Variants in DCTN3 observed in about 807,000 individuals in gnomAD.
The protein encoded by DCTN3 is dynactin 3 (p22).
DCTN3 carries 25 observed loss-of-function variants against 28.4 expected under a neutral mutation model. The ratio of observed to expected loss-of-function variants is 0.88; its 90% CI spans 0.64 to 1.23. DCTN3 has a LOEUF of 1.23. Ranked by LOEUF, DCTN3 falls within the 50% of genes most tolerant of loss-of-function variation. The probability of loss-of-function intolerance (pLI) is 0.00; values close to 1 mark genes in which losing one functional copy is unlikely to be tolerated. For missense variants in DCTN3, 229 were observed against 232.0 expected, an observed-to-expected ratio of 0.99 and a Z score of 0.08; for synonymous variants, 81 against 91.4, an observed-to-expected ratio of 0.89 and a Z score of 0.65.
chr9:34,613,688 A>T lies in DCTN3; in HGVS notation c.*94T>A. The T allele has an allele frequency of 6.5e-7, 1 of 1,536,412 alleles. No individual in the cohort carries two copies. The highest frequency in any genetic ancestry group is 1.9e-5 in the Admixed American group (1 of 52,496). ...AGAGAGGTGGGCCTTGAAGCCAATA[A>T]ATACAAAGCTTCCTCTGCCTTGTAA... On this transcript the variant is annotated 3_prime_UTR_variant, in exon 7 of 7. Transcript: ENST00000259632.
chr9:34,620,150 G>C (rs1488082539), intron 1 of DCTN3, among the ~76,000 whole-genome samples: 4 of 152,206 alleles, frequency 2.6e-5, no homozygotes, highest in Admixed American at 1.3e-4. Context: ...CTCAGCTACA[G>C]TAGGTACGGA....
At chr9:34,618,814 G>C (rs1820485417) in intron 1 of DCTN3, 54 bp from the exon 2 acceptor site, 2 of 1,446,572 alleles carry the variant, frequency 1.4e-6, no homozygotes, top group Admixed American at 3.4e-5. Context: ...TCAAGGCTTG[G>C]AAAAGTTAAA....
rs571306998 is a variant in DCTN3 at position 34,619,813 on chromosome 9, C to G, written c.96+556G>C. On this transcript the variant is annotated intron_variant, in intron 1 of 6. Coordinates refer to ENST00000259632, the MANE Select transcript of DCTN3 (RefSeq NM_007234.5). ...ATAGTAGAAAGGGGAGGAGAGGGCA[C>G]CTGAGCTTCGTAGTTGTCAAAATTC... 2.0e-5 allele frequency among the ~76,000 whole-genome samples: 3 copies of G among 152,264 alleles called. No homozygotes were observed. The East Asian group carries it at 5.8e-4, about 29-fold the overall frequency.
chr9:34,620,207 G>C (rs1389281263), intron 1 of DCTN3, among the ~76,000 whole-genome samples, 162 bp downstream of exon 1: 1 of 152,208 alleles, frequency 6.6e-6, no homozygotes, highest in Non-Finnish European at 1.5e-5. Flanking sequence ...CCCTATGACA[G>C]TGGACCCCGA....
At chr9:34,618,606 G>T in intron 2 of DCTN3, 70 bp downstream of exon 2, 1 of 1,226,860 alleles carries the variant, frequency 8.2e-7, no homozygotes, top group Non-Finnish European at 1.2e-6. Flanking sequence ...GAACTGAAGG[G>T]CTAGGGCCAG....
chr9:34,614,952 G>A (rs574928371), intron 4 of DCTN3, 184 bp from the exon 5 acceptor site: 21 of 649,954 alleles, frequency 3.2e-5, no homozygotes, highest in Non-Finnish European at 5.3e-5. Context: ...TCTTACTCCA[G>A]GACCCATAGG....
intron 3 of DCTN3, 195 bp downstream of exon 3, chr9:34,617,690 G>T: frequency 6.7e-7 from 1 of 1,487,054 alleles, no homozygotes; most frequent in Middle Eastern, 1.8e-4. Context: ...GCCTGCAGCT[G>T]GTGCAGAGGT....
At chr9:34,619,979 G>C (rs558264110) in intron 1 of DCTN3, among the ~76,000 whole-genome samples, 1 of 152,122 alleles carries the variant, frequency 6.6e-6, no homozygotes, top group African/African-American at 2.4e-5. Flanking sequence ...CTCCCCAGGG[G>C]TCCCATGGAC....
rs1455567651 is a variant in DCTN3 at position 34,614,282 on chromosome 9, C to G, written c.412-181G>C. On this transcript the variant is annotated intron_variant, in intron 5 of 6. Coordinates refer to ENST00000259632, the MANE Select transcript of DCTN3 (RefSeq NM_007234.5). ...TCAGGCTCCAGGATGGGTGCCCTAA[C>G]AGCAGTCCAAAGACGGATGGAAAAG... 17 of 1,436,950 alleles carry G rather than the reference C, an allele frequency of 1.2e-5. No homozygotes were observed. The East Asian group carries it at 3.9e-4, about 33-fold the overall frequency. The allele number at this position is 1,436,950 out of a possible 1,614,324, so 89.0% of individuals were successfully genotyped here.
chr9:34,619,983 C>T (rs1820515233), intron 1 of DCTN3, among the ~76,000 whole-genome samples: 1 of 152,188 alleles, frequency 6.6e-6, no homozygotes, highest in Non-Finnish European at 1.5e-5. Flanking sequence ...CCAGGGGTCC[C>T]ATGGACCTCT....
intron 1 of DCTN3, among the ~76,000 whole-genome samples, chr9:34,619,272 T>C (rs1348674404): frequency 6.6e-6 from 1 of 152,124 alleles, no homozygotes; most frequent in African/African-American, 2.4e-5. Context: ...GGCATACAGA[T>C]TGAGTTTGAA....
At chr9:34,617,593 C>T in intron 3 of DCTN3, 9 of 1,298,712 alleles carry the variant, frequency 6.9e-6, no homozygotes, top group Non-Finnish European at 8.1e-6. Flanking sequence ...GTCTAGTGAG[C>T]AGAAGTGAGG....
intron 4 of DCTN3, 50 bp from the exon 5 acceptor site, chr9:34,614,818 G>C (rs778000817): frequency 1.2e-6 from 2 of 1,607,020 alleles, no homozygotes; most frequent in Non-Finnish European, 1.7e-6. Flanking sequence ...CCTCCCCCGG[G>C]ACTGCTCAAT....
intron 5 of DCTN3, chr9:34,614,323 T>C: frequency 1.1e-6 from 1 of 923,350 alleles, no homozygotes; most frequent in Non-Finnish European, 1.6e-6. Flanking sequence ...GGCCATACAT[T>C]AAGTAAACAT....
At chr9:34,620,277 G>A (rs1820523336) in intron 1 of DCTN3, 92 bp downstream of exon 1, 5 of 1,109,448 alleles carry the variant, frequency 4.5e-6, no homozygotes, top group South Asian at 1.3e-5. Context: ...GGGCTGCGGA[G>A]AACAGGACTG....
intron 4 of DCTN3, chr9:34,615,089 C>T: frequency 3.4e-6 from 1 of 291,372 alleles, no homozygotes; most frequent in Non-Finnish European, 6.4e-6. Context: ...AGGACCTGTC[C>T]CTTTGCTCTC....
Position 34,614,770 on chromosome 9 carries a change from T to C in DCTN3, c.353-2A>G, listed in dbSNP as rs1564086787. On this transcript the variant is annotated splice_acceptor_variant, in intron 4 of 6. Transcript: ENST00000259632. LOFTEE classifies it high-confidence loss of function. ...GGCGGGCAGCATGCTCAGGAACGGC[T>C]GTAAAACACAACACACACTGCTGGA... The C allele has an allele frequency of 3.7e-6, 6 of 1,614,006 alleles. No individual in the cohort carries two copies.
chr9:34,615,707 T>G, intron 4 of DCTN3: 1 of 194,118 alleles, frequency 5.2e-6, no homozygotes, highest in Non-Finnish European at 1.1e-5. Context: ...GGGCCAGGAG[T>G]TTGAGACCAG....
At position 34,616,420 on chromosome 9, in the gene DCTN3, C is replaced by G; in HGVS notation, c.269-307G>C. On this transcript the variant is annotated intron_variant, in intron 3 of 6. Transcript: ENST00000259632. This position sits in a 1 kb window ranked among gnomAD's most constrained non-coding sequence, Gnocchi z 4.7. Reference sequence around the variant, plus strand: ...TATCAACAAACTCAGGGAGCACCTCCTAGGCCACAAAATACAAAATACTTC... The same window carrying G: ...TATCAACAAACTCAGGGAGCACCTCGTAGGCCACAAAATACAAAATACTTC... 4.1e-6 allele frequency: 1 copy of G among 246,336 alleles called. No individual in the cohort carries two copies. Among genetic ancestry groups the G allele is most frequent in the Non-Finnish European group, 8.0e-6 (1 of 124,932 alleles). 15.3% of individuals were successfully genotyped at this position (246,336 alleles called of 1,614,324 possible). A position where few individuals can be genotyped will look rare whatever the true frequency, so the allele number is the denominator to read the frequency against.
Sources: gnomAD v4.1 joint callset for allele counts (sites outside exome capture counted in the v4.1 genomes callset) on GRCh38, gnomAD v4.1.1 for gene constraint, Gnocchi (gnomAD v3.1) non-coding constraint, MANE v1.5 for transcripts, NCBI Gene and HGNC (gene_info 2026-07-23, HGNC 2026-07-21) for gene names.